The following COL19A1 variants were observed in gnomAD, a reference collection of about 807,000 sequenced individuals.
COL19A1 encodes the protein collagen alpha-1(XIX) chain.
A neutral mutation model predicts 190.2 loss-of-function variants in COL19A1; 159 were observed. The ratio of observed to expected loss-of-function variants is 0.84; its 90% CI spans 0.73 to 0.95. The LOEUF is 0.95. Ranked by LOEUF, COL19A1 falls within the 40% of genes least tolerant of loss-of-function variation. The pLI, the probability that COL19A1 is intolerant of heterozygous loss-of-function variation, is 0.00. For missense variants in COL19A1, 1,418 were observed against 1,431.9 expected (o/e 0.99, Z 0.16); for synonymous variants, 509 against 458.9 (o/e 1.11, Z -1.39).
At position 70,149,916 on chromosome 6, in the gene COL19A1, C is replaced by T. The variant is rs1786937090; in HGVS notation, c.1983+12C>T. ...CTCCAGGGAATGATGTAAGGACTTTCTTTATCTACCCTCCCCCATTTTAAT... is the reference window on the plus strand; with the variant it reads ...CTCCAGGGAATGATGTAAGGACTTTTTTTATCTACCCTCCCCCATTTTAAT... On this transcript the variant is annotated intron_variant, in intron 29 of 50. Coordinates refer to ENST00000620364, the MANE Select transcript of COL19A1 (RefSeq NM_001858.6). 6.2e-7 allele frequency: 1 copy of T among 1,613,778 alleles called. No individual in the cohort carries two copies. The highest frequency in any genetic ancestry group is 2.2e-5 in the East Asian group (1 of 44,850).
intron 18 of COL19A1, 75 bp from the exon 19 acceptor site, chr6:70,137,610 T>C: frequency 7.5e-7 from 1 of 1,341,122 alleles, no homozygotes; most frequent in South Asian, 1.2e-5. Context: ...GAGCAAGCAA[T>C]CATTCTGTAT....
intron 25 of COL19A1, 115 bp from the exon 26 acceptor site, chr6:70,146,544 G>A: frequency 1.5e-6 from 1 of 667,528 alleles, no homozygotes; most frequent in Non-Finnish European, 2.3e-6. Context: ...TTCTTTTATA[G>A]AAAAAGATTT....
intron 7 of COL19A1, among the ~76,000 whole-genome samples, chr6:69,936,152 C>G (rs1299755920): frequency 6.6e-6 from 1 of 152,024 alleles, no homozygotes; most frequent in Non-Finnish European, 1.5e-5. Flanking sequence ...AAAAAATGTT[C>G]GTTGCTTTGT....
intron 41 of COL19A1, among the ~76,000 whole-genome samples, chr6:70,172,462 T>C (rs1261389361): frequency 6.6e-6 from 1 of 151,680 alleles, no homozygotes; most frequent in Non-Finnish European, 1.5e-5. Flanking sequence ...TCGTAGGAGA[T>C]GAGGTCAGAG....
chr6:70,037,704 A>G (rs16868459), intron 14 of COL19A1, among the ~76,000 whole-genome samples: 4,273 of 152,264 alleles, frequency 0.028, 205 homozygotes, highest in African/African-American at 0.094. Flanking sequence ...ATCTACATAT[A>G]TTATTTCGCC....
chr6:70,129,976 G>T (rs1785424759), intron 17 of COL19A1, among the ~76,000 whole-genome samples: 1 of 152,202 alleles, frequency 6.6e-6, no homozygotes, highest in South Asian at 2.1e-4. Context: ...GATGCATGGG[G>T]TGTCCAAAGC....
At chr6:70,187,860 C>T (rs1036032088) in intron 46 of COL19A1, among the ~76,000 whole-genome samples, 1 of 151,996 alleles carries the variant, frequency 6.6e-6, no homozygotes, top group Non-Finnish European at 1.5e-5. Context: ...GAGCACTTTA[C>T]TTGGGTTAAT....
intron 4 of COL19A1, among the ~76,000 whole-genome samples, chr6:69,906,105 A>G (rs560995833): frequency 2.6e-5 from 4 of 152,354 alleles, no homozygotes; most frequent in African/African-American, 7.2e-5. Context: ...ACACACAAAC[A>G]CACATACTAT....
chr6:69,987,686 A>G (rs1582615368), intron 11 of COL19A1, among the ~76,000 whole-genome samples: 1 of 152,004 alleles, frequency 6.6e-6, no homozygotes, highest in Non-Finnish European at 1.5e-5. Flanking sequence ...CTAACAAAAT[A>G]CCTCCCAGCT....
At chr6:70,148,494 T>C (rs1164895728) in intron 27 of COL19A1, among the ~76,000 whole-genome samples, 1 of 152,192 alleles carries the variant, frequency 6.6e-6, no homozygotes, top group African/African-American at 2.4e-5. Context: ...CATCCTTATA[T>C]TGAAGTTATC....
intron 4 of COL19A1, among the ~76,000 whole-genome samples, chr6:69,920,715 T>C (rs1251899565): frequency 6.6e-6 from 1 of 151,912 alleles, no homozygotes; most frequent in Non-Finnish European, 1.5e-5. Context: ...AATTAATGTG[T>C]AGAAAAGTAG....
intron 15 of COL19A1, among the ~76,000 whole-genome samples, chr6:70,082,170 G>A (rs1433353793): frequency 1.3e-5 from 2 of 152,070 alleles, no homozygotes; most frequent in East Asian, 3.8e-4. Flanking sequence ...TCATTGAGAG[G>A]TTGTTTAACT....
At chr6:69,921,807 C>CGTATGTAGATTCGTATATGTATATTT (rs1771978265) in intron 4 of COL19A1, among the ~76,000 whole-genome samples, 1 of 145,654 alleles carries the variant, frequency 6.9e-6, no homozygotes, top group Non-Finnish European at 1.5e-5. Flanking sequence ...TATGTATATT[C>CGTATGTAGATTCGTATATGTATATTT]GTATGTAGAT....
intron 16 of COL19A1, among the ~76,000 whole-genome samples, chr6:70,111,530 A>C (rs530711218): frequency 1.3e-5 from 2 of 152,324 alleles, no homozygotes; most frequent in South Asian, 4.1e-4. Flanking sequence ...ACTTTTCAGC[A>C]TGCTTAGAAT....
At chr6:70,050,862 G>A (rs1780164366) in intron 14 of COL19A1, among the ~76,000 whole-genome samples, 1 of 152,052 alleles carries the variant, frequency 6.6e-6, no homozygotes, top group Non-Finnish European at 1.5e-5. Context: ...TCATTATTCT[G>A]CAGACATGAA....
intron 12 of COL19A1, 106 bp downstream of exon 12, chr6:70,023,786 G>A: frequency 1.1e-6 from 1 of 948,590 alleles, no homozygotes; most frequent in Non-Finnish European, 1.5e-6. Flanking sequence ...AGCCAGCCAT[G>A]ATCCAACAAA....
chr6:70,131,312 C>A, intron 18 of COL19A1: 1 of 201,314 alleles, frequency 5.0e-6, no homozygotes, highest in South Asian at 7.6e-5. Flanking sequence ...TGACATGAAT[C>A]CAAGAAAATA....
At chr6:69,993,257 A>G (rs1776723797) in intron 11 of COL19A1, among the ~76,000 whole-genome samples, 1 of 152,132 alleles carries the variant, frequency 6.6e-6, no homozygotes, top group African/African-American at 2.4e-5. Context: ...GATGAATCAC[A>G]TTTAGTGATT....
rs190089438 is a variant in COL19A1, at chr6:70,197,275, T to G, written c.3095-2333T>G. 6.5e-3 allele frequency among the ~76,000 whole-genome samples: 987 copies of G among 151,818 alleles called. 6 individuals are homozygous for G. The highest frequency in any genetic ancestry group is 0.014 in the Middle Eastern group (4 of 294). ...CTCTACTAAAGATACAAAAAAAAAT[T>G]AGCCGGGCATGGTGGTGGGCGCCTG... On this transcript the variant is annotated intron_variant, in intron 48 of 50. Coordinates refer to ENST00000620364, the MANE Select transcript of COL19A1 (RefSeq NM_001858.6).
Sources: allele counts gnomAD v4.1 joint callset (sites outside exome capture counted in the v4.1 genomes callset), GRCh38; gene constraint gnomAD v4.1.1; transcripts MANE v1.5; gene names NCBI Gene and HGNC (gene_info 2026-07-23, HGNC 2026-07-21).